The following FNBP1L variants were observed in gnomAD, a reference collection of about 807,000 sequenced individuals.
FNBP1L encodes the protein formin-binding protein 1-like.
In FNBP1L, 36 loss-of-function variants were observed where a neutral mutation model predicts 91.2. The observed-to-expected ratio is 0.39, with a 90% CI of 0.30 to 0.52. The LOEUF is 0.52. Ranked by LOEUF, FNBP1L falls within the 20% of genes least tolerant of loss-of-function variation. The pLI is 0.66. For synonymous variants in FNBP1L, 242 were observed against 237.0 expected (o/e 1.02, Z -0.19); for missense variants, 571 against 732.1 (o/e 0.78, Z 2.54).
intron 7 of FNBP1L, among the ~76,000 whole-genome samples, 178 bp downstream of exon 7, chr1:93,531,061 T>A (rs1220187756): frequency 6.6e-6 from 1 of 152,200 alleles, no homozygotes; most frequent in Non-Finnish European, 1.5e-5. Context: ...AGTCACACAT[T>A]TTCCTACGTA....
intron 2 of FNBP1L, among the ~76,000 whole-genome samples, chr1:93,515,923 T>C (rs1344459123): frequency 6.6e-6 from 1 of 151,512 alleles, no homozygotes; most frequent in Non-Finnish European, 1.5e-5. Flanking sequence ...ATAATAATAA[T>C]AAAAAGAGAT....
chr1:93,546,156 CA>C (rs1417963751), intron 12 of FNBP1L, among the ~76,000 whole-genome samples: 1 of 151,526 alleles, frequency 6.6e-6, no homozygotes, highest in East Asian at 1.9e-4. Flanking sequence ...AAAGGTTGAA[CA>C]AAGAAGGAGA....
At chr1:93,493,983 A>G (rs1321573910) in intron 1 of FNBP1L, among the ~76,000 whole-genome samples, 1 of 152,198 alleles carries the variant, frequency 6.6e-6, no homozygotes, top group African/African-American at 2.4e-5. Flanking sequence ...GATGTCTTAC[A>G]GTTCAATTTT....
At chr1:93,455,460 A>T (rs1212668147) in intron 1 of FNBP1L, among the ~76,000 whole-genome samples, 8 of 152,214 alleles carry the variant, frequency 5.3e-5, no homozygotes, top group African/African-American at 1.7e-4. Context: ...AAGTACTGGG[A>T]TTACAGGCAT....
intron 2 of FNBP1L, among the ~76,000 whole-genome samples, chr1:93,514,518 T>C (rs1670996874): frequency 6.6e-6 from 1 of 152,014 alleles, no homozygotes; most frequent in South Asian, 2.1e-4. Flanking sequence ...CTTCAAACTA[T>C]ACTACAAGGC....
chr1:93,517,408 C>T (rs1671166164), intron 2 of FNBP1L, among the ~76,000 whole-genome samples: 1 of 152,222 alleles, frequency 6.6e-6, no homozygotes, highest in South Asian at 2.1e-4. Flanking sequence ...CTCACTGCAT[C>T]CTCGAACTCC....
chr1:93,497,020 G>A lies in FNBP1L; in HGVS notation c.25-2448G>A, dbSNP rs140874224. Reference sequence around the variant, plus strand: ...CTGTCACCCAGGCTGGATTGCAGTGGCACGATCTCGGCTCACTGCAAGCTC... The same window carrying A: ...CTGTCACCCAGGCTGGATTGCAGTGACACGATCTCGGCTCACTGCAAGCTC... On this transcript the variant is annotated intron_variant, in intron 1 of 16. Coordinates refer to ENST00000271234, the MANE Select transcript of FNBP1L (RefSeq NM_001164473.3). Among the ~76,000 whole-genome samples the A allele has an allele frequency of 1.5e-3, 226 of 152,182 alleles. 3 individuals are homozygous for A. In the East Asian group the frequency reaches 0.037, roughly 25 times the overall value.
chr1:93,457,793 T>C (rs1483652668), intron 1 of FNBP1L, among the ~76,000 whole-genome samples: 1 of 151,138 alleles, frequency 6.6e-6, no homozygotes, highest in Non-Finnish European at 1.5e-5. Flanking sequence ...TTATTATTAT[T>C]ATTATTAATT....
chr1:93,448,549 G>T (rs1433536352), intron 1 of FNBP1L, among the ~76,000 whole-genome samples: 1 of 152,148 alleles, frequency 6.6e-6, no homozygotes, highest in Non-Finnish European at 1.5e-5. Context: ...CGGCGCCCGG[G>T]ACGGCCGGGG....
In FNBP1L at chr1:93,514,990, A is replaced by C. The variant is rs185711530; in HGVS notation, c.141-7092A>C. 2.6e-4 allele frequency among the ~76,000 whole-genome samples: 39 copies of C among 152,300 alleles called. No homozygotes were observed. In the East Asian group the frequency reaches 5.8e-3, roughly 23 times the overall value. ...ATCAGAGTGAACAGGCAACCTACAA[A>C]ATGGGAGAAAATTTTCGCAACCTAC... is the stretch of plus-strand genomic sequence containing the variant. On this transcript the variant is annotated intron_variant, in intron 2 of 16. Coordinates refer to ENST00000271234, the MANE Select transcript of FNBP1L (RefSeq NM_001164473.3).
chr1:93,475,793 C>T (rs1456979391), intron 1 of FNBP1L, among the ~76,000 whole-genome samples: 1 of 151,996 alleles, frequency 6.6e-6, no homozygotes, highest in Non-Finnish European at 1.5e-5. Flanking sequence ...TTATTAACAG[C>T]TTTAAGTATT....
In FNBP1L at chr1:93,448,322, GGC is replaced by G. The variant is rs1446206614; in HGVS notation, c.24+20_24+21del. 6.6e-7 allele frequency: 1 copy of G among 1,505,464 alleles called. No individual in the cohort carries two copies. Among genetic ancestry groups the G allele is most frequent in the Admixed American group, 2.3e-5 (1 of 44,360 alleles). 93.3% of individuals were successfully genotyped at this position (1,505,464 alleles called of 1,614,324 possible). A position where few individuals can be genotyped will look rare whatever the true frequency, so the allele number is the denominator to read the frequency against. On this transcript the variant is annotated intron_variant, in intron 1 of 16. Transcript: ENST00000271234. ...GAGCTGTGGGTGAGTCGGGGAGAGG[GGC>G]GCCCCGCACGGACCCCGGCCCCTGA... is the stretch of plus-strand genomic sequence containing the variant.
intron 1 of FNBP1L, among the ~76,000 whole-genome samples, chr1:93,453,663 C>T (rs955438577): frequency 2.0e-5 from 3 of 152,016 alleles, no homozygotes; most frequent in Non-Finnish European, 4.4e-5. Flanking sequence ...AAAAATCTGT[C>T]TTGGGGAATA....
At chr1:93,521,249 A>G (rs1671314778) in intron 2 of FNBP1L, among the ~76,000 whole-genome samples, 1 of 152,174 alleles carries the variant, frequency 6.6e-6, no homozygotes. Context: ...GTCAGAATAT[A>G]ATTCATTTGT....
chr1:93,535,187 C>T (rs1671804720), intron 9 of FNBP1L, among the ~76,000 whole-genome samples: 1 of 151,846 alleles, frequency 6.6e-6, no homozygotes, highest in Admixed American at 6.6e-5. Context: ...ATGTAGTTTC[C>T]ATCAGAATTT....
intron 1 of FNBP1L, among the ~76,000 whole-genome samples, chr1:93,473,154 A>G (rs550122731): frequency 2.6e-5 from 4 of 151,918 alleles, no homozygotes; most frequent in Non-Finnish European, 5.9e-5. Context: ...TAATTATTGT[A>G]TCTTGCTCTG....
chr1:93,514,865 C>T (rs1436487704), intron 2 of FNBP1L, among the ~76,000 whole-genome samples: 3 of 152,080 alleles, frequency 2.0e-5, no homozygotes, highest in Admixed American at 2.0e-4. Flanking sequence ...TGGGCAAGGA[C>T]TTCATGTCTA....
At chr1:93,507,845 T>A (rs1303836276) in intron 2 of FNBP1L, among the ~76,000 whole-genome samples, 1 of 151,770 alleles carries the variant, frequency 6.6e-6, no homozygotes, top group Non-Finnish European at 1.5e-5. Context: ...GACGGAGTTT[T>A]GCCATGTTGG....
chr1:93,513,573 G>A (rs1214925601), intron 2 of FNBP1L, among the ~76,000 whole-genome samples: 2 of 150,630 alleles, frequency 1.3e-5, no homozygotes, highest in Non-Finnish European at 3.0e-5. Flanking sequence ...TATCCACCAT[G>A]ATCAAGTGGG....
Sources: allele counts gnomAD v4.1 joint callset (sites outside exome capture counted in the v4.1 genomes callset), GRCh38; gene constraint gnomAD v4.1.1; transcripts MANE v1.5; gene names NCBI Gene and HGNC (gene_info 2026-07-23, HGNC 2026-07-21).